The following KCNMA1 variants were observed in gnomAD, a reference collection of about 807,000 sequenced individuals.
KCNMA1 encodes the protein potassium calcium-activated channel subfamily M alpha 1, also known as Calcium-activated potassium channel subunit alpha-1.
A neutral mutation model predicts 140.0 loss-of-function variants in KCNMA1; 29 were observed. That is an observed-to-expected ratio of 0.21 (90% CI 0.15 to 0.28). The LOEUF (loss-of-function observed/expected upper bound fraction) is 0.28. KCNMA1 is among the 10% of genes least tolerant of loss of function. KCNMA1 has a pLI of 1.00. For missense variants in KCNMA1, 880 were observed against 1,602.2 expected (o/e 0.55, Z 7.70); for synonymous variants, 612 against 611.9 (o/e 1.00, Z 0.00).
intron 2 of KCNMA1, among the ~76,000 whole-genome samples, chr10:77,372,282 A>ACGATTGTT (rs1255390482): frequency 6.6e-6 from 1 of 152,150 alleles, no homozygotes; most frequent in Non-Finnish European, 1.5e-5. Context: ...TGTTTTGCCC[A>ACGATTGTT]CGATTGTTCC....
At chr10:77,531,707 A>G (rs1174641471) in intron 1 of KCNMA1, among the ~76,000 whole-genome samples, 3 of 152,222 alleles carry the variant, frequency 2.0e-5, no homozygotes, top group African/African-American at 7.2e-5. Context: ...AACCCACCAA[A>G]GAAAAGGGCT....
At chr10:77,335,713 C>T (rs571271653) in intron 2 of KCNMA1, among the ~76,000 whole-genome samples, 5 of 152,270 alleles carry the variant, frequency 3.3e-5, no homozygotes, top group East Asian at 1.9e-4. Context: ...TACCCTTTCT[C>T]GTTGGATCCA....
intron 14 of KCNMA1, among the ~76,000 whole-genome samples, chr10:77,047,578 G>A (rs1338030040): frequency 2.8e-5 from 4 of 143,850 alleles, no homozygotes; most frequent in African/African-American, 1.0e-4. Flanking sequence ...ATATGTGGCA[G>A]GAAACTGGTC....
At chr10:76,920,020 G>GTGTGTGTGTATATATATATATA (rs1177257916) in intron 23 of KCNMA1, among the ~76,000 whole-genome samples, 1 of 34,432 alleles carries the variant, frequency 2.9e-5, no homozygotes, top group African/African-American at 1.1e-4. Flanking sequence ...GTGTGTGTGT[G>GTGTGTGTGTATATATATATATA]TATATATATA....
intron 3 of KCNMA1, among the ~76,000 whole-genome samples, chr10:77,233,443 C>T (rs1014029712): frequency 2.0e-5 from 3 of 152,172 alleles, no homozygotes; most frequent in Non-Finnish European, 2.9e-5. Flanking sequence ...TCAAATTTGG[C>T]ATTTCCTTTA....
At chr10:77,139,356 T>C (rs2098119262) in intron 5 of KCNMA1, among the ~76,000 whole-genome samples, 1 of 152,178 alleles carries the variant, frequency 6.6e-6, no homozygotes, top group Non-Finnish European at 1.5e-5. Context: ...AGAGGAAATA[T>C]AACAATCTGG....
At chr10:77,166,527 G>A (rs976569110) in intron 5 of KCNMA1, among the ~76,000 whole-genome samples, 1 of 151,912 alleles carries the variant, frequency 6.6e-6, no homozygotes, top group African/African-American at 2.4e-5. Context: ...AGGGCAAGTC[G>A]CTATGGCCAA....
chr10:77,063,633 T>A, intron 14 of KCNMA1: 1 of 648,822 alleles, frequency 1.5e-6, no homozygotes, highest in Non-Finnish European at 1.9e-6. Context: ...GGACACAGAT[T>A]CACACTTAAA....
chr10:76,948,694 A>G (rs1907716), intron 22 of KCNMA1, among the ~76,000 whole-genome samples: 38,938 of 152,120 alleles, frequency 0.26, 5,344 homozygotes, highest in South Asian at 0.32. Flanking sequence ...TACAGCAGAA[A>G]TAAAGAACTC....
At chr10:77,114,047 C>G (rs1313677006) in intron 6 of KCNMA1, among the ~76,000 whole-genome samples, 1 of 152,164 alleles carries the variant, frequency 6.6e-6, no homozygotes, top group East Asian at 1.9e-4. Context: ...ATGACTAGCT[C>G]CATCCATGTG....
chr10:77,358,285 T>C (rs570077495), intron 2 of KCNMA1, among the ~76,000 whole-genome samples: 1 of 152,308 alleles, frequency 6.6e-6, no homozygotes, highest in African/African-American at 2.4e-5. Flanking sequence ...CTCTCAGGAT[T>C]AGACCAGTCT....
At chr10:77,506,314 T>A (rs1234017730) in intron 1 of KCNMA1, among the ~76,000 whole-genome samples, 1 of 152,044 alleles carries the variant, frequency 6.6e-6, no homozygotes, top group East Asian at 1.9e-4. Flanking sequence ...CATCTAGGGG[T>A]TCAACCTAAG....
chr10:77,123,497 A>T (rs1476737440), intron 5 of KCNMA1, among the ~76,000 whole-genome samples: 1 of 152,210 alleles, frequency 6.6e-6, no homozygotes, highest in Non-Finnish European at 1.5e-5. Context: ...CTAGACTGTT[A>T]TCTCATACCA....
intron 2 of KCNMA1, among the ~76,000 whole-genome samples, chr10:77,362,663 G>A (rs2094072159): frequency 6.6e-6 from 1 of 152,210 alleles, no homozygotes; most frequent in Admixed American, 6.5e-5. Flanking sequence ...CCAGCTCACA[G>A]GACAAGCCAC....
chr10:76,965,661 C>T (rs898788393), intron 20 of KCNMA1, among the ~76,000 whole-genome samples: 2 of 152,158 alleles, frequency 1.3e-5, no homozygotes, highest in African/African-American at 4.8e-5. Context: ...TGAGCACTGT[C>T]CCTATGTCTT....
chr10:77,626,217 GTT>G (rs369506359), intron 1 of KCNMA1, among the ~76,000 whole-genome samples: 1 of 145,000 alleles, frequency 6.9e-6, no homozygotes. Context: ...AAATGATTGG[GTT>G]TTTTTTTTTT....
chr10:77,304,024 G>A (rs1404668647), intron 2 of KCNMA1, among the ~76,000 whole-genome samples: 1 of 152,134 alleles, frequency 6.6e-6, no homozygotes, highest in Non-Finnish European at 1.5e-5. Context: ...TGACCCAAAA[G>A]GGTAACAAAC....
rs115764209 is a variant in KCNMA1, at chr10:77,154,415, T to C, written c.808+29006A>G. 5.8e-3 allele frequency among the ~76,000 whole-genome samples: 883 copies of C among 152,306 alleles called. 4 individuals carry two copies. The highest frequency in any genetic ancestry group is 0.02 in the African/African-American group (840 of 41,572). Reference sequence around the variant, plus strand: ...CAGCCACCAACTAATGCTCAATGAATGTCGCTTGCCTTTCAAATTTCTTCC... The same window carrying C: ...CAGCCACCAACTAATGCTCAATGAACGTCGCTTGCCTTTCAAATTTCTTCC... On this transcript the variant is annotated intron_variant, in intron 5 of 27. Coordinates refer to ENST00000286628, the MANE Select transcript of KCNMA1 (RefSeq NM_001161352.2).
intron 18 of KCNMA1, chr10:77,008,292 A>G: frequency 5.4e-6 from 7 of 1,286,428 alleles, no homozygotes; most frequent in Non-Finnish European, 7.5e-6. Context: ...AAGTCAAAGA[A>G]AATTCCTTCA....
Sources: allele counts gnomAD v4.1 joint callset (sites outside exome capture counted in the v4.1 genomes callset), GRCh38; gene constraint gnomAD v4.1.1; transcripts MANE v1.5; gene names NCBI Gene and HGNC (gene_info 2026-07-23, HGNC 2026-07-21).